The following TRARG1 variants were observed in gnomAD, a reference collection of about 807,000 sequenced individuals.
TRARG1 encodes the protein trafficking regulator of GLUT4 1.
TRARG1 carries 16 observed loss-of-function variants against 13.3 expected under a neutral mutation model. The ratio of observed to expected loss-of-function variants is 1.20; its 90% CI spans 0.81 to 1.83. The LOEUF is 1.83. Ranked by LOEUF, TRARG1 falls within the 40% of genes most tolerant of loss-of-function variation. TRARG1 has a pLI of 0.00. For missense variants in TRARG1, 250 were observed against 237.4 expected, an observed-to-expected ratio of 1.05 and a Z score of -0.35; for synonymous variants, 113 against 106.2, an observed-to-expected ratio of 1.06 and a Z score of -0.39.
At chr17:1,294,965 T>A (rs1211780542) in intron 1 of TRARG1, among the ~76,000 whole-genome samples, 1 of 152,294 alleles carries the variant, frequency 6.6e-6, no homozygotes, top group South Asian at 2.1e-4. Flanking sequence ...ATTACAGGCA[T>A]GAGCCGCTGC....
intron 1 of TRARG1, among the ~76,000 whole-genome samples, chr17:1,283,192 C>T (rs2071996412): frequency 6.6e-6 from 1 of 151,948 alleles, no homozygotes; most frequent in South Asian, 2.1e-4. Flanking sequence ...ATTCAAACGG[C>T]TCTTCTCCCT....
chr17:1,295,608 A>C lies in TRARG1; in HGVS notation c.505A>C (p.Thr169Pro). The change falls in exon 2 of 3, where the codon ACC (threonine) becomes CCC (proline). Residue 169 changes from threonine to proline, a missense_variant. Thr to Pro is a conservative substitution (Grantham distance 38). Transcript: ENST00000333813. ...MGIVIIMVAV[T>P]VNFTVQKK ...CATCGTCATTATCATGGTGGCCGTG[A>C]CCGTCAACTTCACAGGTGAGACCCA... is the stretch of plus-strand genomic sequence containing the variant. 6.2e-7 allele frequency: 1 copy of C among 1,612,272 alleles called. No individual in the cohort carries two copies. The highest frequency in any genetic ancestry group is 1.1e-5 in the South Asian group (1 of 90,928).
chr17:1,290,871 G>A (rs1482458191), intron 1 of TRARG1, among the ~76,000 whole-genome samples: 1 of 151,048 alleles, frequency 6.6e-6, no homozygotes, highest in African/African-American at 2.4e-5. Context: ...TGCTGCTCTC[G>A]CGATAATGAG....
In TRARG1 at chr17:1,280,235, C is replaced by T. The variant is rs759419921; in HGVS notation, c.234C>T (p.Pro78=). The change falls in exon 1 of 3, where the codon CCC becomes CCT. Residue 78 remains proline (P), a synonymous_variant. Coordinates refer to ENST00000333813, the MANE Select transcript of TRARG1 (RefSeq NM_172367.3). ...GHLEAPLPRS[P]SRASSRRASS... ...TGGAGGCCCCACTGCCTCGGTCCCC[C>T]TCCCGGGCCAGCTCAAGGAGGGCGT... 1.1e-5 allele frequency: 17 copies of T among 1,614,104 alleles called. No individual in the cohort carries two copies. The highest frequency in any genetic ancestry group is 1.2e-5 in the Non-Finnish European group (14 of 1,180,008).
At chr17:1,288,084 T>A (rs569585628) in intron 1 of TRARG1, among the ~76,000 whole-genome samples, 3 of 151,654 alleles carry the variant, frequency 2.0e-5, no homozygotes, top group African/African-American at 7.3e-5. Context: ...CTCAGTCTCA[T>A]CCCCCTTCCC....
At position 1,283,916 on chromosome 17, in the gene TRARG1, T is replaced by G. The variant is rs576212758; in HGVS notation, c.387+3528T>G. ...TCACGAGGTCAGGAGATTGACACCA[T>G]CCTGGCTAACACGGTGAATCCCCAT... On this transcript the variant is annotated intron_variant, in intron 1 of 2. Transcript: ENST00000333813. Among the ~76,000 whole-genome samples, 781 of 151,816 alleles carry G rather than the reference T, an allele frequency of 5.1e-3. 4 individuals are homozygous for G. Among genetic ancestry groups the G allele is most frequent in the African/African-American group, 0.018 (726 of 41,378 alleles).
chr17:1,284,741 C>T (rs1299523295), intron 1 of TRARG1, among the ~76,000 whole-genome samples: 4 of 151,974 alleles, frequency 2.6e-5, no homozygotes, highest in African/African-American at 7.2e-5. Flanking sequence ...AGTGCAGTGG[C>T]GCAATCTCAA....
intron 1 of TRARG1, among the ~76,000 whole-genome samples, chr17:1,282,285 C>CATATATGTACGTATATGTACATATGCGT (rs1555630867): frequency 0.079 from 10,473 of 133,324 alleles, 1,133 homozygotes; most frequent in Admixed American, 0.14. Context: ...CGTATATGTA[C>CATATATGTACGTATATGTACATATGCGT]ATATATGTAC....
chr17:1,294,468 C>CTTTTTTTTTTT (rs542504095), intron 1 of TRARG1, among the ~76,000 whole-genome samples: 2 of 113,446 alleles, frequency 1.8e-5, no homozygotes, highest in Non-Finnish European at 1.7e-5. Context: ...AAGACAGTGT[C>CTTTTTTTTTTT]TTTTTTTTTT....
intron 2 of TRARG1, among the ~76,000 whole-genome samples, chr17:1,297,469 G>A (rs1037408634): frequency 1.1e-4 from 16 of 152,056 alleles, no homozygotes; most frequent in Non-Finnish European, 2.1e-4. Flanking sequence ...TCCTCCATGA[G>A]TGAGTCTGAT....
chr17:1,298,150 C>A, intron 2 of TRARG1, 101 bp from the exon 3 acceptor site: 1 of 1,457,606 alleles, frequency 6.9e-7, no homozygotes, highest in Non-Finnish European at 9.5e-7. Flanking sequence ...TCCCTATTAC[C>A]ACTTCCCACT....
chr17:1,287,403 C>T (rs553504274), intron 1 of TRARG1, among the ~76,000 whole-genome samples: 2 of 152,072 alleles, frequency 1.3e-5, no homozygotes, highest in African/African-American at 2.4e-5. Flanking sequence ...CTCTGTCACC[C>T]AGTCTGGAGT....
chr17:1,285,690 C>T (rs766574977), intron 1 of TRARG1, among the ~76,000 whole-genome samples: 4 of 151,622 alleles, frequency 2.6e-5, no homozygotes, highest in African/African-American at 7.3e-5. Flanking sequence ...GCACTCCAGC[C>T]TGGGCTACAG....
chr17:1,295,735 C>T, intron 2 of TRARG1, 112 bp downstream of exon 2: 1 of 1,371,844 alleles, frequency 7.3e-7, no homozygotes, highest in South Asian at 1.5e-5. Context: ...AGGAGAAGGG[C>T]TGGTGGGGGC....
intron 1 of TRARG1, among the ~76,000 whole-genome samples, chr17:1,292,184 C>T (rs898083213): frequency 6.9e-6 from 1 of 145,094 alleles, no homozygotes; most frequent in Non-Finnish European, 1.5e-5. Flanking sequence ...CAAAACAAAA[C>T]AAAACAAAAC....
chr17:1,295,445 C>A (rs1287885804), intron 1 of TRARG1, 46 bp from the exon 2 acceptor site: 1 of 1,549,100 alleles, frequency 6.5e-7, no homozygotes, highest in Admixed American at 1.9e-5. Context: ...TGAAGCTGAC[C>A]CACAGCCTTC....
chr17:1,298,434 T>C lies in TRARG1; in HGVS notation c.*170T>C. The C allele has an allele frequency of 1.6e-6, 1 of 643,214 alleles. No individual in the cohort carries two copies. The highest frequency in any genetic ancestry group is 2.6e-6 in the Non-Finnish European group (1 of 387,224). The allele number at this position is 643,214 out of a possible 1,614,324, so 39.8% of individuals were successfully genotyped here. A position where few individuals can be genotyped will look rare whatever the true frequency, so the allele number is the denominator to read the frequency against. ...CAGTCACCCACTGTCAGCCCCCATC[T>C]GACAAGAAAGCCTGGAGCGAGGAAG... On this transcript the variant is annotated 3_prime_UTR_variant, in exon 3 of 3. Transcript: ENST00000333813.
chr17:1,287,355 T>TG (rs1365778257), intron 1 of TRARG1, among the ~76,000 whole-genome samples: 1 of 151,572 alleles, frequency 6.6e-6, no homozygotes, highest in African/African-American at 2.4e-5. Flanking sequence ...TTGTTGTTTT[T>TG]GTTTTTTTTT....
intron 1 of TRARG1, among the ~76,000 whole-genome samples, chr17:1,282,441 GCTCACTGCAAC>G (rs1372956891): frequency 6.6e-6 from 1 of 151,604 alleles, no homozygotes; most frequent in Non-Finnish European, 1.5e-5. Context: ...TGCGATCTCG[GCTCACTGCAAC>G]CTCTGCCTCC....
Sources: allele counts gnomAD v4.1 joint callset (sites outside exome capture counted in the v4.1 genomes callset), GRCh38; gene constraint gnomAD v4.1.1; transcripts MANE v1.5; gene names NCBI Gene and HGNC (gene_info 2026-07-23, HGNC 2026-07-21).